Variants in ADRA1B observed in about 807,000 individuals in gnomAD.
ADRA1B encodes adrenoceptor alpha 1B.
A neutral mutation model predicts 17.9 loss-of-function variants in ADRA1B; 17 were observed. The observed-to-expected ratio is 0.95, with a 90% CI of 0.65 to 1.42. ADRA1B has a LOEUF of 1.42. ADRA1B is among the 40% of genes most tolerant of loss of function. ADRA1B has a pLI of 0.00. For missense variants in ADRA1B, 681 were observed against 722.1 expected, an observed-to-expected ratio of 0.94 and a Z score of 0.65; for synonymous variants, 366 against 327.6, an observed-to-expected ratio of 1.12 and a Z score of -1.27.
intron 1 of ADRA1B, among the ~76,000 whole-genome samples, chr5:159,961,793 G>A (rs1018776010): frequency 2.0e-5 from 3 of 152,172 alleles, no homozygotes; most frequent in Admixed American, 6.5e-5. Context: ...AGAATGTCAG[G>A]GCCCAGAGGG....
At chr5:159,894,862 C>T (rs141615255) in intron 1 of ADRA1B, among the ~76,000 whole-genome samples, 93 of 152,266 alleles carry the variant, frequency 6.1e-4, no homozygotes, top group African/African-American at 2.2e-3. Flanking sequence ...TTAAGAACCT[C>T]ATTCCAAGCC....
At chr5:159,912,336 C>G (rs1754235312), upstream of ADRA1B, among the ~76,000 whole-genome samples, 1 of 152,218 alleles carries the variant, frequency 6.6e-6, no homozygotes, top group Admixed American at 6.5e-5. Flanking sequence ...TCACTTCACT[C>G]TCCTGACCAG....
downstream of ADRA1B, among the ~76,000 whole-genome samples, chr5:159,976,158 C>T (rs908492232): frequency 3.9e-5 from 6 of 152,278 alleles, no homozygotes; most frequent in East Asian, 1.2e-3. Flanking sequence ...AAACAGTTGA[C>T]ACCATGCCAG....
At chr5:159,947,342 A>C (rs1238360142) in intron 1 of ADRA1B, among the ~76,000 whole-genome samples, 1 of 147,352 alleles carries the variant, frequency 6.8e-6, no homozygotes, top group Non-Finnish European at 1.5e-5. Flanking sequence ...ACTCCATCTT[A>C]AAAAAAAAAG....
At chr5:159,902,316 G>A (rs1236872828) in intron 1 of ADRA1B, among the ~76,000 whole-genome samples, 1 of 152,174 alleles carries the variant, frequency 6.6e-6, no homozygotes. Context: ...GTAGAATGGG[G>A]CTGGGGGAGG....
chr5:159,872,475 C>T (rs1443261585), intron 1 of ADRA1B, among the ~76,000 whole-genome samples: 1 of 152,156 alleles, frequency 6.6e-6, no homozygotes, highest in African/African-American at 2.4e-5. Flanking sequence ...CAAGTGGGCC[C>T]TGGACCAGCA....
the ADRA1B span, among the ~76,000 whole-genome samples, chr5:159,984,003 C>G: frequency 6.6e-6 from 1 of 151,966 alleles, no homozygotes; most frequent in African/African-American, 2.4e-5. Flanking sequence ...AGAGCCAAGG[C>G]CTCACCTTCC....
At chr5:159,970,038 T>G (rs1356223125) in intron 1 of ADRA1B, among the ~76,000 whole-genome samples, 2 of 152,318 alleles carry the variant, frequency 1.3e-5, no homozygotes, top group Admixed American at 6.5e-5. Flanking sequence ...CTCTCCAAGT[T>G]TCAGCTGACT....
intron 1 of ADRA1B, among the ~76,000 whole-genome samples, chr5:159,942,479 G>T (rs1238933669): frequency 6.6e-6 from 1 of 152,196 alleles, no homozygotes; most frequent in Non-Finnish European, 1.5e-5. Flanking sequence ...TGATACAGCA[G>T]TTAGAAGGAA....
chr5:159,918,437 G>A (rs1389246605), intron 1 of ADRA1B, among the ~76,000 whole-genome samples: 1 of 152,164 alleles, frequency 6.6e-6, no homozygotes, highest in African/African-American at 2.4e-5. Context: ...GTTAATAAGA[G>A]CATTTTACAG....
At chr5:159,890,892 C>T (rs999431047) in intron 1 of ADRA1B, among the ~76,000 whole-genome samples, 1 of 152,244 alleles carries the variant, frequency 6.6e-6, no homozygotes, top group Non-Finnish European at 1.5e-5. Context: ...ATGGGAAATA[C>T]ATTGATGTGG....
intron 1 of ADRA1B, among the ~76,000 whole-genome samples, chr5:159,946,487 C>T (rs1344089885): frequency 6.6e-6 from 1 of 152,208 alleles, no homozygotes; most frequent in Non-Finnish European, 1.5e-5. Context: ...CCCCATTTCT[C>T]CTTCCAGTCC....
chr5:159,962,205 A>G (rs530629664), intron 1 of ADRA1B, among the ~76,000 whole-genome samples: 1 of 152,274 alleles, frequency 6.6e-6, no homozygotes, highest in East Asian at 1.9e-4. Flanking sequence ...CTCAAAGAAA[A>G]AAGAATATGT....
At chr5:159,876,234 T>A (rs1487601204) in intron 1 of ADRA1B, among the ~76,000 whole-genome samples, 3 of 152,152 alleles carry the variant, frequency 2.0e-5, no homozygotes, top group Non-Finnish European at 2.9e-5. Context: ...TACTTCATTT[T>A]AAAAAAGTCT....
At chr5:159,977,981 C>G (rs1037013195), downstream of ADRA1B, among the ~76,000 whole-genome samples, 5 of 152,122 alleles carry the variant, frequency 3.3e-5, no homozygotes, top group Non-Finnish European at 1.5e-5. Flanking sequence ...TCCGATTTCT[C>G]TGACTGTCCA....
At chr5:159,883,929 T>C (rs1753894457) in intron 1 of ADRA1B, among the ~76,000 whole-genome samples, 2 of 152,150 alleles carry the variant, frequency 1.3e-5, no homozygotes, top group African/African-American at 2.4e-5. Flanking sequence ...TATGAGGCAA[T>C]AGGCTCATAT....
intron 1 of ADRA1B, among the ~76,000 whole-genome samples, chr5:159,954,276 G>T (rs959650369): frequency 1.3e-5 from 2 of 152,188 alleles, no homozygotes; most frequent in African/African-American, 4.8e-5. Flanking sequence ...CGAGATCAGG[G>T]TGCTGGTATG....
chr5:159,895,821 T>A (rs1454761997), intron 1 of ADRA1B, among the ~76,000 whole-genome samples: 1 of 152,240 alleles, frequency 6.6e-6, no homozygotes, highest in Non-Finnish European at 1.5e-5. Context: ...CGTGGTCCAA[T>A]TTCAGTGCTC....
At chr5:159,977,621 T>A (rs1561614731), downstream of ADRA1B, among the ~76,000 whole-genome samples, 1 of 152,200 alleles carries the variant, frequency 6.6e-6, no homozygotes, top group Non-Finnish European at 1.5e-5. Context: ...AATTTGACAC[T>A]TTTTTCTTTA....
Sources: allele counts gnomAD v4.1 joint callset (sites outside exome capture counted in the v4.1 genomes callset), GRCh38; gene constraint gnomAD v4.1.1; transcripts MANE v1.5; gene names NCBI Gene and HGNC (gene_info 2026-07-23, HGNC 2026-07-21).